Variants in ZNF444 observed in about 807,000 individuals in gnomAD.
ZNF444 encodes the protein zinc finger protein 444.
In ZNF444, 8 loss-of-function variants were observed where a neutral mutation model predicts 14.4. That is an observed-to-expected ratio of 0.56 (90% CI 0.33 to 1.00). ZNF444 has a LOEUF of 1.00. Among genes scored for constraint, ZNF444 ranks in the 50% least tolerant of loss-of-function variants. The probability of loss-of-function intolerance (pLI) is 0.03; values close to 1 mark genes in which losing one functional copy is unlikely to be tolerated. For synonymous variants in ZNF444, 258 were observed against 235.9 expected (o/e 1.09, Z -0.86); for missense variants, 510 against 504.8 (o/e 1.01, Z -0.10).
At chr19:56,146,810 G>A (rs1241889656) in intron 2 of ZNF444, 80 bp from the exon 3 acceptor site, 4 of 1,050,712 alleles carry the variant, frequency 3.8e-6, no homozygotes, top group Non-Finnish European at 2.5e-6. Flanking sequence ...TAAAAAAAAA[G>A]AGCGTTGGTC....
chr19:56,147,228 A>C lies in ZNF444; in HGVS notation c.297+20A>C. On this transcript the variant is annotated intron_variant, in intron 3 of 4. Coordinates refer to ENST00000337080, the MANE Select transcript of ZNF444 (RefSeq NM_018337.4). This position sits in a 1 kb window ranked among gnomAD's most constrained non-coding sequence, Gnocchi z 5.9. ...CTCTGGGTGAGCCTGGCGGGACTGCAAGCGGGGAAGGGAGAGGGGAAGGTG... is the reference window on the plus strand; with the variant it reads ...CTCTGGGTGAGCCTGGCGGGACTGCCAGCGGGGAAGGGAGAGGGGAAGGTG... 7.1e-7 allele frequency: 1 copy of C among 1,410,118 alleles called. No individual in the cohort carries two copies. The highest frequency in any genetic ancestry group is 1.5e-5 in the South Asian group (1 of 65,798). The allele number at this position is 1,410,118 out of a possible 1,614,324, so 87.4% of individuals were successfully genotyped here.
chr19:56,158,691 C>T (rs943315994), intron 4 of ZNF444, 89 bp downstream of exon 4: 61 of 1,210,768 alleles, frequency 5.0e-5, no homozygotes, highest in Non-Finnish European at 6.8e-5. Flanking sequence ...GGACCCAGGA[C>T]AAGGACAGAC....
intron 3 of ZNF444, chr19:56,151,950 C>T (rs1227661942): frequency 8.8e-6 from 4 of 456,248 alleles, no homozygotes; most frequent in Non-Finnish European, 1.8e-5. Flanking sequence ...GAGTTTTCAC[C>T]GAGACATTGC....
chr19:56,146,707 T>C (rs960955589), intron 2 of ZNF444, among the ~76,000 whole-genome samples, 183 bp from the exon 3 acceptor site: 2 of 152,158 alleles, frequency 1.3e-5, no homozygotes, highest in African/African-American at 4.8e-5. Context: ...GAGAATCGCC[T>C]GAACCCGGGA....
rs772330274 is a variant in ZNF444, at chr19:56,158,510, C to G, written c.314C>G (p.Pro105Arg). ...TCATTTCAGGGGCCAGCAGCCTCCC[C>G]CGATGGGTCGTCAGCAACGAGGGTG... ...LEELWGPAAS[P>R]DGSSATRVPQ... The change falls in exon 4 of 5, where the codon CCC becomes CGC. Residue 105 changes from proline (P) to arginine (R), a missense_variant. Pro to Arg is a moderately radical substitution (Grantham distance 103). Coordinates refer to ENST00000337080, the MANE Select transcript of ZNF444 (RefSeq NM_018337.4). The G allele has an allele frequency of 1.9e-6, 3 of 1,610,388 alleles. No homozygotes were observed. Among genetic ancestry groups the G allele is most frequent in the South Asian group, 1.1e-5 (1 of 90,530 alleles).
In ZNF444 at chr19:56,146,923, G is replaced by T; in HGVS notation, c.12G>T (p.Ala4=). Residue 4 remains alanine (A), a synonymous_variant, in exon 3 of 5, where the codon GCG becomes GCT. Transcript: ENST00000337080. The stretch of plus-strand genomic sequence containing the variant: ...GTCCGGGAGGCCCCATGGAGGTGGC[G>T]GTGCCCGTGAAGCAGGAGGCCGAGG... MEV[A]VPVKQEAEGL... is the part of the protein sequence containing the mutation. 4.9e-6 allele frequency: 7 copies of T among 1,435,242 alleles called. No homozygotes were observed. The highest frequency in any genetic ancestry group is 6.3e-6 in the Non-Finnish European group (7 of 1,103,582). The allele number at this position is 1,435,242 out of a possible 1,614,324, so 88.9% of individuals were successfully genotyped here. A position where few individuals can be genotyped will look rare whatever the true frequency, so the allele number is the denominator to read the frequency against.
intron 3 of ZNF444, among the ~76,000 whole-genome samples, chr19:56,148,575 GC>G (rs982580254): frequency 6.6e-6 from 1 of 151,972 alleles, no homozygotes; most frequent in Non-Finnish European, 1.5e-5. Flanking sequence ...GGCCCGACCA[GC>G]CCCCAGACAC....
chr19:56,137,072 T>G (rs181636053), upstream of ZNF444, among the ~76,000 whole-genome samples: 104 of 149,968 alleles, frequency 6.9e-4, no homozygotes, highest in African/African-American at 2.1e-3. Flanking sequence ...CGTGAGCCAC[T>G]GTGCCCAGCC....
chr19:56,135,990 G>A (rs1292283015), intron 1 of ZNF444, among the ~76,000 whole-genome samples: 2 of 138,538 alleles, frequency 1.4e-5, no homozygotes, highest in Non-Finnish European at 3.0e-5. Context: ...GCTGAGGCAG[G>A]AGAATCGCTT....
At position 56,159,885 on chromosome 19, in the gene ZNF444, G is replaced by C. The variant is rs867836392; in HGVS notation, c.668G>C (p.Arg223Pro). The C allele has an allele frequency of 6.5e-7, 1 of 1,527,016 alleles. No homozygotes were observed. The highest frequency in any genetic ancestry group is 1.2e-5 in the South Asian group (1 of 83,252). The allele number at this position is 1,527,016 out of a possible 1,614,324, so 94.6% of individuals were successfully genotyped here. Residue 223 changes from arginine (R) to proline (P), a missense_variant, in exon 5 of 5, where the codon CGG (arginine) becomes CCG (proline). Coordinates refer to ENST00000337080, the MANE Select transcript of ZNF444 (RefSeq NM_018337.4). The stretch of plus-strand genomic sequence containing the variant: ...GCCTTTCGGCGCAAGGAGCACCTGC[G>C]GCGCCACCGCGACACGCACCCCGGC... ...GKAFRRKEHL[R>P]RHRDTHPGSP...
chr19:56,152,373 TA>T (rs1219960343), intron 3 of ZNF444, among the ~76,000 whole-genome samples: 3 of 151,770 alleles, frequency 2.0e-5, no homozygotes, highest in Admixed American at 6.6e-5. Context: ...ATTTTACTCT[TA>T]GATTTGAAGT....
chr19:56,152,480 T>TTTG (rs2031644937), intron 3 of ZNF444, among the ~76,000 whole-genome samples: 2 of 136,656 alleles, frequency 1.5e-5, no homozygotes, highest in Admixed American at 1.4e-4. Context: ...ATTCCAGGGT[T>TTTG]TTGTTTTTTT....
intron 1 of ZNF444, among the ~76,000 whole-genome samples, chr19:56,134,788 AAATT>A (rs2123451294): frequency 6.6e-6 from 1 of 152,246 alleles, no homozygotes; most frequent in African/African-American, 2.4e-5. Flanking sequence ...ACCCAGGACA[AAATT>A]AAAATGCAGA....
upstream of ZNF444, among the ~76,000 whole-genome samples, chr19:56,140,659 A>G (rs1363721760): frequency 6.6e-6 from 1 of 152,030 alleles, no homozygotes; most frequent in Non-Finnish European, 1.5e-5. Flanking sequence ...TCGGCCCTTA[A>G]GTTCTGCCCG....
At chr19:56,155,254 G>T (rs1278001971) in intron 3 of ZNF444, 1 of 152,398 alleles carries the variant, frequency 6.6e-6, no homozygotes, top group Non-Finnish European at 1.5e-5. Flanking sequence ...CTCCTGCCGT[G>T]GAGTGTGGAC....
At chr19:56,146,025 A>C (rs920430303) in intron 1 of ZNF444, 14 of 152,244 alleles carry the variant, frequency 9.2e-5, no homozygotes, top group African/African-American at 3.1e-4. Context: ...CTTCGTCTCC[A>C]AATACGGTCA....
chr19:56,137,488 GA>G (rs1160433266), upstream of ZNF444, among the ~76,000 whole-genome samples: 12 of 150,342 alleles, frequency 8.0e-5, no homozygotes, highest in East Asian at 1.6e-3. Flanking sequence ...AAAAGAAAAA[GA>G]AAAAAAAAGT....
chr19:56,147,013 G>A lies in ZNF444; in HGVS notation c.102G>A (p.Pro34=), dbSNP rs1223183877. 9 of 1,463,858 alleles carry A rather than the reference G, an allele frequency of 6.1e-6. No individual in the cohort carries two copies. The highest frequency in any genetic ancestry group is 8.1e-6 in the Non-Finnish European group (9 of 1,116,474). The allele number at this position is 1,463,858 out of a possible 1,614,324, so 90.7% of individuals were successfully genotyped here. Residue 34 remains proline, a synonymous_variant, in exon 3 of 5, where the codon CCG becomes CCA. Coordinates refer to ENST00000337080, the MANE Select transcript of ZNF444 (RefSeq NM_018337.4). This position sits in a 1 kb window ranked among gnomAD's most constrained non-coding sequence, Gnocchi z 5.9. ...TCCACCTGGGCGACGCGCCGGGCCC[G>A]CGGGAGGCGCTGGGGCTGCTCCGCG... ...RRFHLGDAPG[P]REALGLLRAL...
chr19:56,152,388 G>A (rs1250921090), intron 3 of ZNF444, among the ~76,000 whole-genome samples: 2 of 150,932 alleles, frequency 1.3e-5, no homozygotes, highest in African/African-American at 2.4e-5. Flanking sequence ...TTGAAGTTGC[G>A]GTTATGAGGT....
Sources: gnomAD v4.1 joint callset for allele counts (sites outside exome capture counted in the v4.1 genomes callset) on GRCh38, gnomAD v4.1.1 for gene constraint, Gnocchi (gnomAD v3.1) non-coding constraint, MANE v1.5 for transcripts, NCBI Gene and HGNC (gene_info 2026-07-23, HGNC 2026-07-21) for gene names.